Variants in IGFBP7 observed in about 807,000 individuals in gnomAD.
IGFBP7 encodes the protein insulin like growth factor binding protein 7, also known as insulin-like growth factor-binding protein 7.
In IGFBP7, 31 loss-of-function variants were observed where a neutral mutation model predicts 29.4. That is an observed-to-expected ratio of 1.05 (90% CI 0.79 to 1.42). IGFBP7 has a LOEUF of 1.42. IGFBP7 is among the 40% of genes most tolerant of loss of function. The probability of loss-of-function intolerance (pLI) is 0.00; values close to 1 mark genes in which losing one functional copy is unlikely to be tolerated. For synonymous variants in IGFBP7, 172 were observed against 174.9 expected, an observed-to-expected ratio of 0.98 and a Z score of 0.13; for missense variants, 393 against 395.5, an observed-to-expected ratio of 0.99 and a Z score of 0.05.
At position 57,110,204 on chromosome 4, in the gene IGFBP7, G is replaced by C; in HGVS notation, c.148C>G (p.Leu50Val). ...CPPLPPLGCLLGETRDACGCC... is the reference protein window; with the variant it reads ...CPPLPPLGCLVGETRDACGCC... Reference sequence around the variant, plus strand: ...CCGCACGCGTCGCGGGTCTCGCCCAGCAGGCAGCCCAGCGGGGGCAGGGGC... The same window carrying C: ...CCGCACGCGTCGCGGGTCTCGCCCACCAGGCAGCCCAGCGGGGGCAGGGGC... Residue 50 changes from leucine to valine, a missense_variant, in exon 1 of 5, where the codon CTG (leucine) becomes GTG (valine). By Grantham distance (32) the Leu-to-Val change is conservative (BLOSUM62 1). Coordinates refer to ENST00000295666, the MANE Select transcript of IGFBP7 (RefSeq NM_001553.3). 2 of 1,381,482 alleles carry C rather than the reference G, an allele frequency of 1.4e-6. No homozygotes were observed. Among genetic ancestry groups the C allele is most frequent in the Non-Finnish European group, 1.9e-6 (2 of 1,076,598 alleles). 85.6% of individuals were successfully genotyped at this position (1,381,482 alleles called of 1,614,324 possible). A position where few individuals can be genotyped will look rare whatever the true frequency, so the allele number is the denominator to read the frequency against.
intron 2 of IGFBP7, 42 bp from the exon 3 acceptor site, chr4:57,033,353 A>G (rs1266873498): frequency 1.5e-6 from 2 of 1,307,386 alleles, no homozygotes; most frequent in African/African-American, 2.9e-5. Flanking sequence ...TTTGTACACC[A>G]GATCATCTAC....
rs1726160408 is a variant in IGFBP7, at chr4:57,110,230, G to T, written c.122C>A (p.Pro41Gln). Reference sequence around the variant, plus strand: ...CAGGCAGCCCAGCGGGGGCAGGGGCGGGCAGGAGGCCGGCTCGCAGGGGCC... The same window carrying T: ...CAGGCAGCCCAGCGGGGGCAGGGGCTGGCAGGAGGCCGGCTCGCAGGGGCC... Reference protein sequence around the residue: ...TCGPCEPASCPPLPPLGCLLG... With the variant: ...TCGPCEPASCQPLPPLGCLLG... Residue 41 changes from proline (P) to glutamine (Q), a missense_variant, in exon 1 of 5, where the codon CCG becomes CAG. Physicochemically the swap from Pro to Gln is moderately conservative, Grantham distance 76 (BLOSUM62 -1). Coordinates refer to ENST00000295666, the MANE Select transcript of IGFBP7 (RefSeq NM_001553.3). The T allele has an allele frequency of 7.2e-7, 1 of 1,381,486 alleles. No individual in the cohort carries two copies. Among genetic ancestry groups the T allele is most frequent in the South Asian group, 1.7e-5 (1 of 59,550 alleles). 85.6% of individuals were successfully genotyped at this position (1,381,486 alleles called of 1,614,324 possible).
At chr4:57,046,336 A>G (rs1007178493) in intron 1 of IGFBP7, among the ~76,000 whole-genome samples, 4 of 150,474 alleles carry the variant, frequency 2.7e-5, no homozygotes, top group Admixed American at 6.6e-5. Flanking sequence ...GTTCTGTTCT[A>G]CCTCAGGAGA....
intron 1 of IGFBP7, among the ~76,000 whole-genome samples, chr4:57,057,623 A>AGCT (rs1724705748): frequency 6.6e-6 from 1 of 152,148 alleles, no homozygotes; most frequent in South Asian, 2.1e-4. Flanking sequence ...TTGGCCTTGG[A>AGCT]GCTGCTGTTT....
intron 1 of IGFBP7, among the ~76,000 whole-genome samples, chr4:57,103,655 C>CTTTTTTTTTTTTTTT (rs1560510152): frequency 3.1e-5 from 2 of 63,694 alleles, no homozygotes; most frequent in South Asian, 7.2e-4. Context: ...TTTTTTTTTT[C>CTTTTTTTTTTTTTTT]TTTTCTTTTT....
At chr4:57,051,218 G>A (rs1001668501) in intron 1 of IGFBP7, among the ~76,000 whole-genome samples, 1 of 152,186 alleles carries the variant, frequency 6.6e-6, no homozygotes, top group African/African-American at 2.4e-5. Context: ...TTAAATAAGG[G>A]GAAGCAGTAA....
chr4:57,092,591 T>C (rs1454740410), intron 1 of IGFBP7, among the ~76,000 whole-genome samples: 1 of 151,888 alleles, frequency 6.6e-6, no homozygotes, highest in Non-Finnish European at 1.5e-5. Context: ...TGGGCTTTTG[T>C]TTTTAGGAGA....
intron 1 of IGFBP7, among the ~76,000 whole-genome samples, chr4:57,044,209 C>T (rs1297014276): frequency 6.6e-6 from 1 of 152,168 alleles, no homozygotes; most frequent in African/African-American, 2.4e-5. Flanking sequence ...TCCCTATTGC[C>T]AATACAGGTA....
At chr4:57,040,116 C>T (rs994245417) in intron 2 of IGFBP7, among the ~76,000 whole-genome samples, 2 of 152,190 alleles carry the variant, frequency 1.3e-5, no homozygotes, top group Non-Finnish European at 2.9e-5. Context: ...TCTCCTCTGT[C>T]CCTAACTTAT....
rs765294015 is a variant in IGFBP7, at chr4:57,033,350, A to C, written c.586-39T>G. On this transcript the variant is annotated intron_variant, in intron 2 of 4. Transcript: ENST00000295666. The stretch of plus-strand genomic sequence containing the variant: ...AGGAGAGTAATACTGAGTTTTGTAC[A>C]CCAGATCATCTACTTGGAAGTGGCC... 6 of 1,325,182 alleles carry C rather than the reference A, an allele frequency of 4.5e-6. No individual in the cohort carries two copies. In the African/African-American group the frequency reaches 8.7e-5, roughly 19 times the overall value. 82.1% of individuals were successfully genotyped at this position (1,325,182 alleles called of 1,614,324 possible). A position where few individuals can be genotyped will look rare whatever the true frequency, so the allele number is the denominator to read the frequency against.
intron 1 of IGFBP7, among the ~76,000 whole-genome samples, chr4:57,109,323 C>A (rs553850825): frequency 1.3e-5 from 2 of 152,218 alleles, no homozygotes; most frequent in Admixed American, 1.3e-4. Context: ...CTTATAGTCC[C>A]AGCTACTTGG....
rs1718867 is a variant in IGFBP7 at position 57,072,656 on chromosome 4, A to T, written c.476-31723T>A. 102 of 305,386 alleles carry T rather than the reference A, an allele frequency of 3.3e-4. 1 individual carries two copies. The highest frequency in any genetic ancestry group is 5.9e-4 in the Non-Finnish European group (92 of 157,164). 18.9% of individuals were successfully genotyped at this position (305,386 alleles called of 1,614,324 possible). On this transcript the variant is annotated intron_variant, in intron 1 of 4. Transcript: ENST00000295666. ...CCAGCGTTGCTGCTGCCTAGCCACC[A>T]CCAGCAGGGGTGCTGCCCGGTACCT...
Position 57,061,168 on chromosome 4 carries a change from G to A in IGFBP7, c.476-20235C>T, listed in dbSNP as rs79075969. ...TCAAGATGTGGGAAAACTGTGTGTC[G>A]TTTGCAGGAAAAATAAAAATACAAT... On this transcript the variant is annotated intron_variant, in intron 1 of 4. Coordinates refer to ENST00000295666, the MANE Select transcript of IGFBP7 (RefSeq NM_001553.3). Among the ~76,000 whole-genome samples the A allele has an allele frequency of 6.2e-3, 942 of 152,164 alleles. 12 individuals are homozygous for A. Among genetic ancestry groups the A allele is most frequent in the African/African-American group, 0.022 (904 of 41,504 alleles).
chr4:57,045,688 T>C (rs181134425), intron 1 of IGFBP7, among the ~76,000 whole-genome samples: 1 of 152,094 alleles, frequency 6.6e-6, no homozygotes, highest in East Asian at 1.9e-4. Flanking sequence ...ACCACTTACC[T>C]GGTCTGGAAA....
At chr4:57,056,392 A>G (rs1724675025) in intron 1 of IGFBP7, among the ~76,000 whole-genome samples, 1 of 152,036 alleles carries the variant, frequency 6.6e-6, no homozygotes, top group Admixed American at 6.5e-5. Context: ...TGTCTTGGGT[A>G]CTTAGGATAA....
chr4:57,061,234 C>T (rs1244005002), intron 1 of IGFBP7, among the ~76,000 whole-genome samples: 1 of 151,962 alleles, frequency 6.6e-6, no homozygotes, highest in African/African-American at 2.4e-5. Flanking sequence ...TCTAAAACCC[C>T]CAGTGGATGC....
chr4:57,064,180 C>CCA (rs1724864194), intron 1 of IGFBP7, among the ~76,000 whole-genome samples: 1 of 152,088 alleles, frequency 6.6e-6, no homozygotes, highest in Non-Finnish European at 1.5e-5. Flanking sequence ...CTCTACCCCT[C>CCA]CAAAAAACAC....
intron 1 of IGFBP7, among the ~76,000 whole-genome samples, chr4:57,090,653 G>A (rs1368788306): frequency 1.3e-5 from 2 of 151,862 alleles, no homozygotes; most frequent in African/African-American, 4.8e-5. Flanking sequence ...CCTGGCCTAT[G>A]TGGTGAAACC....
chr4:57,057,675 G>A (rs936572953), intron 1 of IGFBP7, among the ~76,000 whole-genome samples: 5 of 152,234 alleles, frequency 3.3e-5, no homozygotes, highest in Middle Eastern at 3.4e-3. Context: ...TTCTCAGGGA[G>A]TCTCTTTAAC....
Sources: allele counts gnomAD v4.1 joint callset (sites outside exome capture counted in the v4.1 genomes callset), GRCh38; gene constraint gnomAD v4.1.1; transcripts MANE v1.5; gene names NCBI Gene and HGNC (gene_info 2026-07-23, HGNC 2026-07-21).